The following SCLT1 variants were observed in gnomAD, a reference collection of about 807,000 sequenced individuals.
SCLT1 encodes sodium channel-associated protein 1.
In SCLT1, 78 loss-of-function variants were observed where a neutral mutation model predicts 112.8. The ratio of observed to expected loss-of-function variants is 0.69; its 90% CI spans 0.58 to 0.83. The LOEUF (loss-of-function observed/expected upper bound fraction) is 0.83. Ranked by LOEUF, SCLT1 falls within the 40% of genes least tolerant of loss-of-function variation. The probability of loss-of-function intolerance (pLI) is 0.00; values close to 1 mark genes in which losing one functional copy is unlikely to be tolerated. For missense variants in SCLT1, 747 were observed against 770.4 expected, an observed-to-expected ratio of 0.97 and a Z score of 0.36; for synonymous variants, 257 against 254.7, an observed-to-expected ratio of 1.01 and a Z score of -0.09.
intron 2 of SCLT1, among the ~76,000 whole-genome samples, chr4:129,063,127 TCA>T (rs1750141720): frequency 6.6e-6 from 1 of 152,256 alleles, no homozygotes; most frequent in South Asian, 2.1e-4. Context: ...GCTTTCAAGT[TCA>T]CAGATTATTT....
At chr4:128,923,008 A>G (rs1246728834) in intron 18 of SCLT1, among the ~76,000 whole-genome samples, 1 of 152,232 alleles carries the variant, frequency 6.6e-6, no homozygotes, top group Non-Finnish European at 1.5e-5. Context: ...GGAGACAGTG[A>G]ATCATGCAAA....
chr4:128,990,711 A>G (rs149139996), intron 9 of SCLT1, among the ~76,000 whole-genome samples: 178 of 151,964 alleles, frequency 1.2e-3, no homozygotes, highest in African/African-American at 4.1e-3. Flanking sequence ...TTCAACCAAC[A>G]AAACTATTAG....
At chr4:129,030,860 A>T (rs1746650121) in intron 5 of SCLT1, among the ~76,000 whole-genome samples, 1 of 152,130 alleles carries the variant, frequency 6.6e-6, no homozygotes. Context: ...ACAGATTCAC[A>T]GCCGAATTCT....
intron 18 of SCLT1, among the ~76,000 whole-genome samples, chr4:128,917,861 A>C (rs1735588740): frequency 6.6e-6 from 1 of 152,136 alleles, no homozygotes; most frequent in Non-Finnish European, 1.5e-5. Flanking sequence ...GGTGTGGTGG[A>C]GAGATCCTCT....
intron 5 of SCLT1, among the ~76,000 whole-genome samples, chr4:129,009,253 C>T (rs146712164): frequency 0.01 from 1,551 of 152,214 alleles, 18 homozygotes; most frequent in African/African-American, 0.029. Flanking sequence ...CGGTGGCTCA[C>T]GCCTATAATC....
In SCLT1 at chr4:128,948,504, G is replaced by A. The variant is rs1560879166; in HGVS notation, c.1285C>T (p.Leu429=). ...TTCCTTTTTCTTTTTACCTTTTCTA[G>A]TTCTTCTTCCACTGCTTTTTTTTCC... ...IKEKKAVEEE[L]EKIYREGRGN... Residue 429 remains leucine, a synonymous_variant, in exon 15 of 21, where the codon CTA becomes TTA. Transcript: ENST00000281142. 2 of 1,606,232 alleles carry A rather than the reference G, an allele frequency of 1.2e-6. No homozygotes were observed. Among genetic ancestry groups the A allele is most frequent in the South Asian group, 2.2e-5 (2 of 90,854 alleles).
rs185060101 is a variant in SCLT1 at position 128,932,834 on chromosome 4, A to T, written c.1829+3821T>A. Among the ~76,000 whole-genome samples the T allele has an allele frequency of 5.7e-4, 87 of 152,282 alleles. No individual in the cohort carries two copies. In the East Asian group the frequency reaches 0.01, roughly 18 times the overall value. On this transcript the variant is annotated intron_variant, in intron 18 of 20. Coordinates refer to ENST00000281142, the MANE Select transcript of SCLT1 (RefSeq NM_144643.4). ...TCTATCTGAAAAAGAAATCAAGAAAACAATTCCATTTACAATAGCTACTAA... is the reference window on the plus strand; with the variant it reads ...TCTATCTGAAAAAGAAATCAAGAAATCAATTCCATTTACAATAGCTACTAA...
chr4:129,069,033 C>A (rs947081169), intron 2 of SCLT1, among the ~76,000 whole-genome samples: 2 of 152,060 alleles, frequency 1.3e-5, no homozygotes, highest in African/African-American at 4.8e-5. Flanking sequence ...AAAAGGGAGT[C>A]CTTTCCCCAC....
Position 129,093,161 on chromosome 4 carries a change from G to A in SCLT1, c.-58C>T. 1 of 1,547,152 alleles carries A rather than the reference G, an allele frequency of 6.5e-7. No homozygotes were observed. The highest frequency in any genetic ancestry group is 8.9e-7 in the Non-Finnish European group (1 of 1,119,786). ...CCTTTACCTTCCTCTGAAAGACAGA[G>A]AGCTTGCTGTGCGGGAAAACAAAAC... On this transcript the variant is annotated 5_prime_UTR_variant, in exon 1 of 21. Transcript: ENST00000281142.
chr4:129,077,041 C>T (rs935460938), intron 2 of SCLT1, among the ~76,000 whole-genome samples: 2 of 152,012 alleles, frequency 1.3e-5, no homozygotes, highest in Admixed American at 6.6e-5. Context: ...AAATTTCAGC[C>T]TATGTCCACA....
chr4:128,935,938 T>C (rs1409272607), intron 18 of SCLT1, among the ~76,000 whole-genome samples: 1 of 152,142 alleles, frequency 6.6e-6, no homozygotes, highest in Admixed American at 6.5e-5. Context: ...AATTTACTAG[T>C]TGATATCCTG....
intron 2 of SCLT1, among the ~76,000 whole-genome samples, chr4:129,059,267 C>T (rs1749734244): frequency 6.6e-6 from 1 of 152,072 alleles, no homozygotes; most frequent in Non-Finnish European, 1.5e-5. Context: ...GAAATGGAAT[C>T]CATTTAGATT....
At chr4:128,945,822 C>A (rs1738103681) in intron 16 of SCLT1, among the ~76,000 whole-genome samples, 185 bp downstream of exon 16, 2 of 152,040 alleles carry the variant, frequency 1.3e-5, no homozygotes, top group Non-Finnish European at 2.9e-5. Context: ...ACTGTTAAAT[C>A]TTTTCTTCCT....
At chr4:129,009,399 A>G (rs1170451289) in intron 5 of SCLT1, among the ~76,000 whole-genome samples, 1 of 152,048 alleles carries the variant, frequency 6.6e-6, no homozygotes, top group Non-Finnish European at 1.5e-5. Flanking sequence ...CTGTAGTCCC[A>G]GCTACTTGGG....
At chr4:128,995,033 T>G (rs1248628636) in intron 8 of SCLT1, among the ~76,000 whole-genome samples, 1 of 152,170 alleles carries the variant, frequency 6.6e-6, no homozygotes, top group East Asian at 1.9e-4. Context: ...TTTGATGCAG[T>G]CCCACTTGAT....
intron 5 of SCLT1, among the ~76,000 whole-genome samples, chr4:129,017,706 A>G (rs1745116168): frequency 6.6e-6 from 1 of 152,232 alleles, no homozygotes; most frequent in African/African-American, 2.4e-5. Flanking sequence ...GAAAATAAAA[A>G]AGAGAAAGTA....
chr4:129,090,284 A>G (rs1752723333), intron 1 of SCLT1, among the ~76,000 whole-genome samples: 2 of 152,208 alleles, frequency 1.3e-5, no homozygotes, highest in Non-Finnish European at 1.5e-5. Context: ...GTCCAGACAG[A>G]CAAATAAATC....
Position 129,043,400 on chromosome 4 carries a change from A to G in SCLT1, c.229T>C (p.Tyr77His). ...LGELNGQLKY[Y>H]QKQVGEMKLQ... ...TCATAACTATGATTTCATACCTGGT[A>G]ATATTTCAGCTGCCCATTTAGTTCT... The change falls in exon 4 of 21, where the codon TAC becomes CAC. Residue 77 changes from tyrosine to histidine, a missense_variant. Physicochemically the swap from Tyr to His is moderately conservative, Grantham distance 83. Coordinates refer to ENST00000281142, the MANE Select transcript of SCLT1 (RefSeq NM_144643.4). 6.9e-7 allele frequency: 1 copy of G among 1,459,528 alleles called. No homozygotes were observed. The highest frequency in any genetic ancestry group is 9.5e-7 in the Non-Finnish European group (1 of 1,050,184). The allele number at this position is 1,459,528 out of a possible 1,614,324, so 90.4% of individuals were successfully genotyped here.
intron 18 of SCLT1, among the ~76,000 whole-genome samples, chr4:128,911,080 A>G (rs1461901051): frequency 6.6e-6 from 1 of 152,136 alleles, no homozygotes; most frequent in Admixed American, 6.5e-5. Flanking sequence ...CCTGGCAAAC[A>G]TGGTGAAACT....
Sources: gnomAD v4.1 joint callset for allele counts (sites outside exome capture counted in the v4.1 genomes callset) on GRCh38, gnomAD v4.1.1 for gene constraint, MANE v1.5 for transcripts, NCBI Gene and HGNC (gene_info 2026-07-23, HGNC 2026-07-21) for gene names.